Variants in NRXN3 observed in about 807,000 individuals in gnomAD.
NRXN3 encodes neurexin III.
A neutral mutation model predicts 137.6 loss-of-function variants in NRXN3; 32 were observed. The observed-to-expected ratio is 0.23, with a 90% CI of 0.18 to 0.31. The LOEUF is 0.31. Ranked by LOEUF, NRXN3 falls within the 10% of genes least tolerant of loss-of-function variation. The probability of loss-of-function intolerance (pLI) is 1.00; values close to 1 mark genes in which losing one functional copy is unlikely to be tolerated. For missense variants in NRXN3, 1,574 were observed against 2,062.5 expected (o/e 0.76, Z 4.59); for synonymous variants, 798 against 784.5 (o/e 1.02, Z -0.29).
chr14:79,551,475 T>C (rs2097372134), intron 16 of NRXN3, among the ~76,000 whole-genome samples: 1 of 152,216 alleles, frequency 6.6e-6, no homozygotes, highest in South Asian at 2.1e-4. Context: ...ACATTGACTA[T>C]GATTACTCTG....
At chr14:78,371,965 C>T (rs1344584234) in intron 4 of NRXN3, among the ~76,000 whole-genome samples, 4 of 152,222 alleles carry the variant, frequency 2.6e-5, no homozygotes, top group Non-Finnish European at 4.4e-5. Context: ...GACTTGTCTA[C>T]AAGTCATGGG....
At chr14:78,385,062 A>T (rs1183244696) in intron 4 of NRXN3, among the ~76,000 whole-genome samples, 2 of 152,184 alleles carry the variant, frequency 1.3e-5, no homozygotes. Context: ...CAAACTGGCC[A>T]GAAAAATCTG....
At chr14:79,104,134 A>G (rs1282610785) in intron 15 of NRXN3, among the ~76,000 whole-genome samples, 1 of 152,190 alleles carries the variant, frequency 6.6e-6, no homozygotes, top group Non-Finnish European at 1.5e-5. Flanking sequence ...TCACAGTCAA[A>G]CAAGTTTCCC....
At chr14:79,822,264 A>G (rs1203439263) in intron 20 of NRXN3, among the ~76,000 whole-genome samples, 1 of 152,130 alleles carries the variant, frequency 6.6e-6, no homozygotes, top group Non-Finnish European at 1.5e-5. Context: ...CGAATTTAAA[A>G]CTAGTACCAG....
In NRXN3 at chr14:79,570,095, C is replaced by T. The variant is rs149214106; in HGVS notation, c.3445-93683C>T. ...GTTCTTGGCCTCTAATTCAAGCTTTCTTCCAAGTTTCTCTCCACTCTCACT... is the reference window on the plus strand; with the variant it reads ...GTTCTTGGCCTCTAATTCAAGCTTTTTTCCAAGTTTCTCTCCACTCTCACT... On this transcript the variant is annotated intron_variant, in intron 16 of 20. Transcript: ENST00000335750. Among the ~76,000 whole-genome samples, 217 of 152,302 alleles carry T rather than the reference C, an allele frequency of 1.4e-3. 3 individuals carry two copies. The highest frequency in any genetic ancestry group is 5.0e-3 in the African/African-American group (207 of 41,590).
chr14:78,256,648 C>T (rs1247921627), intron 2 of NRXN3, among the ~76,000 whole-genome samples: 1 of 152,236 alleles, frequency 6.6e-6, no homozygotes, highest in Non-Finnish European at 1.5e-5. Flanking sequence ...GATGCAGGAC[C>T]TGACTTCATT....
At chr14:78,874,196 T>A (rs146659050) in intron 10 of NRXN3, among the ~76,000 whole-genome samples, 1 of 152,136 alleles carries the variant, frequency 6.6e-6, no homozygotes, top group Non-Finnish European at 1.5e-5. Context: ...GGTCTTGAAC[T>A]CTTGACCTCA....
chr14:78,631,372 T>G (rs1162861147), intron 4 of NRXN3, among the ~76,000 whole-genome samples: 1 of 152,222 alleles, frequency 6.6e-6, no homozygotes, highest in Non-Finnish European at 1.5e-5. Context: ...GACCAACTGC[T>G]GATATGTACA....
At chr14:79,177,814 A>G (rs2062499749) in intron 15 of NRXN3, among the ~76,000 whole-genome samples, 1 of 152,226 alleles carries the variant, frequency 6.6e-6, no homozygotes, top group African/African-American at 2.4e-5. Context: ...GAGTTTGTGG[A>G]AAGTGATTTT....
At chr14:78,598,691 G>A (rs1410877191) in intron 4 of NRXN3, among the ~76,000 whole-genome samples, 1 of 152,180 alleles carries the variant, frequency 6.6e-6, no homozygotes, top group Non-Finnish European at 1.5e-5. Flanking sequence ...TTTAACATTT[G>A]GCTTTGAAGA....
intron 17 of NRXN3, among the ~76,000 whole-genome samples, chr14:79,674,967 TATTA>T (rs1308270094): frequency 1.3e-5 from 2 of 152,082 alleles, no homozygotes; most frequent in East Asian, 1.9e-4. Flanking sequence ...AGGGGAAAAA[TATTA>T]ATTAATAACA....
chr14:78,891,489 A>G (rs2099158798), intron 10 of NRXN3, among the ~76,000 whole-genome samples: 2 of 151,910 alleles, frequency 1.3e-5, no homozygotes, highest in African/African-American at 4.8e-5. Context: ...CAGGGAGCTC[A>G]CTGTACATCC....
At chr14:79,102,491 A>C (rs966516631) in intron 15 of NRXN3, among the ~76,000 whole-genome samples, 25 of 152,194 alleles carry the variant, frequency 1.6e-4, no homozygotes, top group African/African-American at 6.0e-4. Flanking sequence ...CAGGCTTTTC[A>C]ATTATTTTCA....
At chr14:79,009,120 A>G (rs572093043) in intron 15 of NRXN3, among the ~76,000 whole-genome samples, 2 of 152,278 alleles carry the variant, frequency 1.3e-5, no homozygotes, top group Non-Finnish European at 2.9e-5. Context: ...TCTTTTCTCC[A>G]TGTTTTAAAC....
chr14:78,819,439 A>G (rs991728228), intron 10 of NRXN3, among the ~76,000 whole-genome samples: 1 of 152,218 alleles, frequency 6.6e-6, no homozygotes, highest in East Asian at 1.9e-4. Context: ...GTTAAATATT[A>G]TAAGTAATTT....
Position 78,457,606 on chromosome 14 carries a change from G to C in NRXN3, c.757+159746G>C, listed in dbSNP as rs139084950. On this transcript the variant is annotated intron_variant, in intron 4 of 20. Coordinates refer to ENST00000335750, the MANE Select transcript of NRXN3 (RefSeq NM_001330195.2). ...GGAAAGAACATTGCACTGAGAATTA[G>C]GATTGTTAAGTCAGAAACTGTGAAG... Among the ~76,000 whole-genome samples, 55 of 152,238 alleles carry C rather than the reference G, an allele frequency of 3.6e-4. No individual in the cohort carries two copies. In the East Asian group the frequency reaches 0.01, roughly 28 times the overall value.
intron 1 of NRXN3, among the ~76,000 whole-genome samples, chr14:78,239,703 C>A (rs555119085): frequency 6.6e-6 from 1 of 151,992 alleles, no homozygotes; most frequent in South Asian, 2.1e-4. Flanking sequence ...CTTTTCTTTT[C>A]TTTCTTTCTT....
At chr14:78,225,679 C>T (rs1254444988) in intron 1 of NRXN3, among the ~76,000 whole-genome samples, 1 of 152,132 alleles carries the variant, frequency 6.6e-6, no homozygotes, top group Non-Finnish European at 1.5e-5. Flanking sequence ...CTATTCGCTC[C>T]CACCCATCCT....
chr14:79,469,119 A>T (rs1416612184), intron 16 of NRXN3, among the ~76,000 whole-genome samples: 1 of 152,180 alleles, frequency 6.6e-6, no homozygotes, highest in Non-Finnish European at 1.5e-5. Context: ...TTGCATTTCC[A>T]CAGTGATTTA....
Sources: gnomAD v4.1 joint callset for allele counts (sites outside exome capture counted in the v4.1 genomes callset) on GRCh38, gnomAD v4.1.1 for gene constraint, MANE v1.5 for transcripts, NCBI Gene and HGNC (gene_info 2026-07-23, HGNC 2026-07-21) for gene names.